ENOX2: variants seen among roughly 807,000 people sequenced by gnomAD.
ENOX2 encodes ecto-NOX disulfide-thiol exchanger 2.
Under a neutral mutation model 45.0 loss-of-function variants are expected in ENOX2, and 36 were observed. The observed-to-expected ratio is 0.80, with a 90% CI of 0.61 to 1.06. The LOEUF (loss-of-function observed/expected upper bound fraction) is 1.06, where lower values mean the gene tolerates loss of function less well. Among genes scored for constraint, ENOX2 ranks in the 50% least tolerant of loss-of-function variants. ENOX2 has a pLI of 0.00. For missense variants in ENOX2, 423 were observed against 462.5 expected, an observed-to-expected ratio of 0.91 and a Z score of 0.78; for synonymous variants, 174 against 152.3, an observed-to-expected ratio of 1.14 and a Z score of -1.05.
At chrX:130,784,308 C>G (rs1037756663) in intron 2 of ENOX2, among the ~76,000 whole-genome samples, 1 of 111,395 alleles carries the variant, frequency 9.0e-6, no homozygotes, top group South Asian at 3.8e-4. Context: ...AGCATGGTCA[C>G]TTTACTCGTC....
chrX:130,895,787 T>C (rs778732557), intron 2 of ENOX2, among the ~76,000 whole-genome samples: 2 of 112,131 alleles, frequency 1.8e-5, no homozygotes, highest in African/African-American at 3.2e-5. Flanking sequence ...CATGTTTCCA[T>C]CCTACAGTGT....
At chrX:130,781,249 A>T (rs886385944) in intron 3 of ENOX2, among the ~76,000 whole-genome samples, 7 of 111,973 alleles carry the variant, frequency 6.3e-5, no homozygotes, top group African/African-American at 2.3e-4. Context: ...TTGTCCTACT[A>T]ACAAAGAAAA....
chrX:130,885,819 A>G (rs1438612924), intron 2 of ENOX2, among the ~76,000 whole-genome samples: 1 of 112,432 alleles, frequency 8.9e-6, no homozygotes, highest in Non-Finnish European at 1.9e-5. Context: ...CAACAAAGCA[A>G]TATTTTCCAT....
rs781117248 is a variant in ENOX2 at position 130,681,870 on chromosome X, TG to T, written c.254-2123del. Among the ~76,000 whole-genome samples the T allele has an allele frequency of 7.5e-3, 833 of 110,941 alleles. 5 individuals are homozygous for T. The highest frequency in any genetic ancestry group is 0.038 in the Middle Eastern group (8 of 211). ...GTCCTACCAGAAGTCTGGAGTAGAG[TG>T]GTAGCTAAGACCTGAACTTCTAAAC... is the stretch of plus-strand genomic sequence containing the variant. On this transcript the variant is annotated intron_variant, in intron 5 of 14. Coordinates refer to ENST00000394363, the MANE Select transcript of ENOX2 (RefSeq NM_006375.4).
At chrX:130,640,957 G>T (rs779655455) in intron 10 of ENOX2, among the ~76,000 whole-genome samples, 1 of 111,818 alleles carries the variant, frequency 8.9e-6, no homozygotes, top group East Asian at 2.8e-4. Flanking sequence ...GTACATAACA[G>T]AATATCCAAG....
chrX:130,699,507 T>C (rs1431818682), intron 4 of ENOX2, among the ~76,000 whole-genome samples: 1 of 111,728 alleles, frequency 9.0e-6, no homozygotes, highest in Non-Finnish European at 1.9e-5. Context: ...CTGAGAAGCA[T>C]AAAAGTAGCT....
chrX:130,679,504 G>A (rs754418361), intron 6 of ENOX2, 38 bp downstream of exon 6: 1 of 1,084,477 alleles, frequency 9.2e-7, no homozygotes, highest in Non-Finnish European at 1.3e-6. Flanking sequence ...TATCTGCGTT[G>A]TGCCTGGTGG....
intron 3 of ENOX2, among the ~76,000 whole-genome samples, chrX:130,766,802 A>T (rs1469540198): frequency 8.9e-6 from 1 of 111,928 alleles, no homozygotes; most frequent in African/African-American, 3.2e-5. Flanking sequence ...TCATTATTTC[A>T]TGTAGTCTTC....
At chrX:130,869,754 A>G (rs762889722) in intron 2 of ENOX2, among the ~76,000 whole-genome samples, 1 of 111,735 alleles carries the variant, frequency 8.9e-6, no homozygotes, top group Non-Finnish European at 1.9e-5. Flanking sequence ...ACCATCCTTC[A>G]AGACTCAGAT....
chrX:130,863,619 T>C (rs181687751), intron 2 of ENOX2, among the ~76,000 whole-genome samples: 2 of 112,419 alleles, frequency 1.8e-5, no homozygotes, highest in East Asian at 5.6e-4. Context: ...ATTAATTTAG[T>C]TAAAAATTGA....
chrX:130,648,082 A>G (rs1311250606), intron 10 of ENOX2, among the ~76,000 whole-genome samples: 1 of 112,285 alleles, frequency 8.9e-6, no homozygotes, highest in East Asian at 2.8e-4. Context: ...GAAAGTTAAA[A>G]GGCAATTTGA....
At chrX:130,719,560 G>A (rs1389733039) in intron 3 of ENOX2, among the ~76,000 whole-genome samples, 2 of 111,178 alleles carry the variant, frequency 1.8e-5, no homozygotes, top group East Asian at 2.8e-4. Flanking sequence ...AACAGCTGAC[G>A]CCTGGAACAA....
chrX:130,694,346 T>G (rs1219578919), intron 4 of ENOX2, among the ~76,000 whole-genome samples: 2 of 111,461 alleles, frequency 1.8e-5, no homozygotes, highest in Non-Finnish European at 3.8e-5. Context: ...TTTGGGATCC[T>G]GCAGGGCACA....
rs192241357 is a variant in ENOX2, at chrX:130,640,951, A to G, written c.1130-3541T>C. On this transcript the variant is annotated intron_variant, in intron 10 of 14. Transcript: ENST00000394363. The stretch of plus-strand genomic sequence containing the variant: ...ATAAAAAAAATACTGAAAAAAGTAC[A>G]TAACAGAATATCCAAGAACTGTAGG... 3.6e-5 allele frequency among the ~76,000 whole-genome samples: 4 copies of G among 112,303 alleles called. No homozygotes were observed. The Admixed American group carries it at 3.8e-4, about 11-fold the overall frequency.
At chrX:130,716,770 G>A (rs1418282046) in intron 3 of ENOX2, among the ~76,000 whole-genome samples, 4 of 112,391 alleles carry the variant, frequency 3.6e-5, no homozygotes, top group East Asian at 2.8e-4. Flanking sequence ...ATTTTGCCAC[G>A]TTTAATTCAA....
chrX:130,678,808 C>T (rs12353685), intron 6 of ENOX2, among the ~76,000 whole-genome samples: 1,424 of 111,699 alleles, frequency 0.013, 22 homozygotes, highest in African/African-American at 0.044. Flanking sequence ...CCCTTTGCTG[C>T]ATCCCCAGCA....
At chrX:130,716,271 G>A (rs1204116792) in intron 3 of ENOX2, among the ~76,000 whole-genome samples, 1 of 111,996 alleles carries the variant, frequency 8.9e-6, no homozygotes, top group Non-Finnish European at 1.9e-5. Context: ...GGATTAATTT[G>A]TATTCTTCTC....
At chrX:130,862,661 T>C (rs948933359) in intron 2 of ENOX2, among the ~76,000 whole-genome samples, 2 of 111,264 alleles carry the variant, frequency 1.8e-5, no homozygotes, top group African/African-American at 6.5e-5. Context: ...AGGGATGTTT[T>C]TTGTTCTCAG....
intron 2 of ENOX2, among the ~76,000 whole-genome samples, chrX:130,819,984 T>C (rs367700054): frequency 2.2e-4 from 25 of 111,648 alleles, no homozygotes; most frequent in East Asian, 2.0e-3. Flanking sequence ...TACACATCAA[T>C]CTAAAAAGCT....
Sources: gnomAD v4.1 joint callset for allele counts (sites outside exome capture counted in the v4.1 genomes callset) on GRCh38, gnomAD v4.1.1 for gene constraint, MANE v1.5 for transcripts, NCBI Gene and HGNC (gene_info 2026-07-23, HGNC 2026-07-21) for gene names.